The following CACNB2 variants were observed in gnomAD, a reference collection of about 807,000 sequenced individuals.
CACNB2 encodes the protein voltage-dependent L-type calcium channel subunit beta-2.
In CACNB2, 42 loss-of-function variants were observed where a neutral mutation model predicts 73.3. The ratio of observed to expected loss-of-function variants is 0.57; its 90% confidence interval spans 0.45 to 0.74. The LOEUF (loss-of-function observed/expected upper bound fraction) is 0.74. Among genes scored for constraint, CACNB2 ranks in the 30% least tolerant of loss-of-function variants. The probability of loss-of-function intolerance (pLI) is 0.00; values close to 1 mark genes in which losing one functional copy is unlikely to be tolerated. For synonymous variants in CACNB2, 348 were observed against 310.3 expected (o/e 1.12, Z -1.28); for missense variants, 940 against 853.0 (o/e 1.10, Z -1.27).
intron 2 of CACNB2, among the ~76,000 whole-genome samples, chr10:18,287,692 A>C (rs2038864109): frequency 6.6e-6 from 1 of 152,082 alleles, no homozygotes; most frequent in Non-Finnish European, 1.5e-5. Context: ...TCCTACAAAA[A>C]ATACAAAAAT....
intron 2 of CACNB2, among the ~76,000 whole-genome samples, chr10:18,275,381 A>T (rs2038236743): frequency 6.6e-6 from 1 of 152,204 alleles, no homozygotes. Flanking sequence ...TAATAAGGGG[A>T]TAGATACAAG....
chr10:18,288,778 C>T (rs549461526), intron 2 of CACNB2, among the ~76,000 whole-genome samples: 40 of 152,184 alleles, frequency 2.6e-4, no homozygotes, highest in East Asian at 1.7e-3. Flanking sequence ...GGCGCGGTGC[C>T]TCACACCTAT....
intron 3 of CACNB2, among the ~76,000 whole-genome samples, chr10:18,494,021 C>A (rs1289330603): frequency 2.0e-5 from 3 of 152,172 alleles, no homozygotes; most frequent in African/African-American, 7.2e-5. Context: ...TAAACCACAT[C>A]TAATGGTAGC....
intron 2 of CACNB2, among the ~76,000 whole-genome samples, chr10:18,246,761 T>C (rs571196394): frequency 6.6e-6 from 1 of 152,074 alleles, no homozygotes; most frequent in African/African-American, 2.4e-5. Context: ...TCAGGGTTTT[T>C]TAGTTTTGTT....
chr10:18,401,964 A>G lies in CACNB2; in HGVS notation c.254A>G (p.Asp85Gly). 6.2e-7 allele frequency: 1 copy of G among 1,614,044 alleles called. No homozygotes were observed. ...DSYTSRPSDS[D>G]VSLEEDREAV... The stretch of plus-strand genomic sequence containing the variant: ...TACACTAGCCGTCCATCCGATTCCG[A>G]TGTATCTCTGGAGGAGGACCGGGAG... Residue 85 changes from aspartate (D) to glycine (G), a missense_variant, in exon 3 of 14, where the codon GAT becomes GGT. By Grantham distance (94) the Asp-to-Gly change is moderately conservative (BLOSUM62 -1). Transcript: ENST00000324631.
At chr10:18,492,630 AAAAAAAAAG>A (rs1450130698) in intron 3 of CACNB2, among the ~76,000 whole-genome samples, 5,175 of 149,394 alleles carry the variant, frequency 0.035, 264 homozygotes, top group African/African-American at 0.12. Context: ...CAAAAAAAAA[AAAAAAAAAG>A]AAAAAAAGAA....
chr10:18,531,506 A>G (rs780027040), intron 10 of CACNB2, among the ~76,000 whole-genome samples: 1 of 152,128 alleles, frequency 6.6e-6, no homozygotes, highest in Non-Finnish European at 1.5e-5. Context: ...AGAATGATTT[A>G]TATTTCTTTG....
chr10:18,453,347 C>G (rs1157921061), intron 3 of CACNB2, among the ~76,000 whole-genome samples: 1 of 152,244 alleles, frequency 6.6e-6, no homozygotes, highest in African/African-American at 2.4e-5. Context: ...TCGTGTCAGC[C>G]TGACTTTCCA....
chr10:18,304,178 A>T (rs1183074319), intron 2 of CACNB2, among the ~76,000 whole-genome samples: 1 of 152,022 alleles, frequency 6.6e-6, no homozygotes, highest in East Asian at 1.9e-4. Context: ...CTGGTCTCAA[A>T]CTCTTGGGTT....
chr10:18,477,019 CA>C (rs35846838), intron 3 of CACNB2, among the ~76,000 whole-genome samples: 1,285 of 122,254 alleles, frequency 0.011, 8 homozygotes, highest in African/African-American at 0.03. Context: ...GATTGAATCT[CA>C]AAAAAAAAAA....
At chr10:18,272,245 G>T (rs182062275) in intron 2 of CACNB2, among the ~76,000 whole-genome samples, 23 of 152,214 alleles carry the variant, frequency 1.5e-4, no homozygotes, top group African/African-American at 5.5e-4. Flanking sequence ...GTTCTAATTA[G>T]AACAAAGGCT....
At chr10:18,400,672 C>T in intron 2 of CACNB2, 1 of 912,508 alleles carries the variant, frequency 1.1e-6, no homozygotes, top group Non-Finnish European at 1.3e-6. Flanking sequence ...GATTCTTTTA[C>T]AACTAATTTC....
At chr10:18,263,674 G>A (rs1184978568) in intron 2 of CACNB2, among the ~76,000 whole-genome samples, 1 of 152,088 alleles carries the variant, frequency 6.6e-6, no homozygotes, top group Non-Finnish European at 1.5e-5. Flanking sequence ...AGTTATGTGG[G>A]TTTCAAAGAA....
chr10:18,345,764 G>A (rs892276447), intron 2 of CACNB2, among the ~76,000 whole-genome samples: 4 of 152,014 alleles, frequency 2.6e-5, no homozygotes, highest in Non-Finnish European at 2.9e-5. Context: ...TAGAGTATTC[G>A]CATAATTAGA....
chr10:18,442,631 C>A (rs1469285846), intron 3 of CACNB2, among the ~76,000 whole-genome samples: 5 of 151,134 alleles, frequency 3.3e-5, no homozygotes, highest in Admixed American at 3.3e-4. Flanking sequence ...TCAAGACCAT[C>A]CTGGCCAACA....
Position 18,542,607 on chromosome 10 carries a change from C to T in CACNB2, c.*2883C>T, listed in dbSNP as rs971657456. On this transcript the variant is annotated 3_prime_UTR_variant, in exon 14 of 14. Coordinates refer to ENST00000324631, the MANE Select transcript of CACNB2 (RefSeq NM_201596.3). ...TCTTAGCTTGCACTTTACTGTAGAA[C>T]ATATTAGTGCAAATCAGAATATTCC... 2.6e-5 allele frequency: 4 copies of T among 152,060 alleles called. No individual in the cohort carries two copies. Among genetic ancestry groups the T allele is most frequent in the African/African-American group, 7.2e-5 (3 of 41,404 alleles). The allele number at this position is 152,060 out of a possible 1,614,324, so 9.4% of individuals were successfully genotyped here.
chr10:18,148,095 T>TA (rs34416277), intron 1 of CACNB2, among the ~76,000 whole-genome samples: 45,645 of 150,806 alleles, frequency 0.3, 7,059 homozygotes, highest in South Asian at 0.34. Flanking sequence ...TACAGTTTTT[T>TA]AAAAAAAAAG....
intron 3 of CACNB2, among the ~76,000 whole-genome samples, chr10:18,412,881 G>T (rs2044713426): frequency 6.6e-6 from 1 of 152,236 alleles, no homozygotes. Flanking sequence ...GAGGCTTAGG[G>T]ATGCCCAGCA....
chr10:18,175,215 G>A (rs1328747227), intron 2 of CACNB2, among the ~76,000 whole-genome samples: 1 of 152,150 alleles, frequency 6.6e-6, no homozygotes, highest in Admixed American at 6.6e-5. Flanking sequence ...TTTGAAATAT[G>A]TATTTACAGC....
Sources: allele counts gnomAD v4.1 joint callset (sites outside exome capture counted in the v4.1 genomes callset), GRCh38; gene constraint gnomAD v4.1.1; transcripts MANE v1.5; gene names NCBI Gene and HGNC (gene_info 2026-07-23, HGNC 2026-07-21).